The following CTNND2 variants were observed in gnomAD, a reference collection of about 807,000 sequenced individuals.
The protein encoded by CTNND2 is catenin delta 2, also known as catenin delta-2.
A neutral mutation model predicts 144.4 loss-of-function variants in CTNND2; 22 were observed. The observed-to-expected ratio is 0.15, with a 90% CI of 0.11 to 0.22. CTNND2 has a LOEUF of 0.22. Ranked by LOEUF, CTNND2 falls within the 10% of genes least tolerant of loss-of-function variation. CTNND2 has a pLI of 1.00. For missense variants in CTNND2, 1,353 were observed against 1,618.8 expected (o/e 0.84, Z 2.82); for synonymous variants, 751 against 695.6 (o/e 1.08, Z -1.25).
intron 12 of CTNND2, among the ~76,000 whole-genome samples, chr5:11,153,603 T>C (rs185055911): frequency 6.6e-6 from 1 of 152,302 alleles, no homozygotes; most frequent in African/African-American, 2.4e-5. Context: ...CAAGCACTCA[T>C]CCATTTTATG....
intron 1 of CTNND2, among the ~76,000 whole-genome samples, chr5:11,867,419 A>T (rs1006550369): frequency 1.3e-5 from 2 of 152,240 alleles, no homozygotes; most frequent in Non-Finnish European, 2.9e-5. Context: ...ATAATCAGCC[A>T]ATCAGAACTT....
intron 18 of CTNND2, among the ~76,000 whole-genome samples, chr5:10,994,366 GGAGGAAGGGGCCGGGGAAA>G (rs1739080238): frequency 2.5e-5 from 1 of 40,524 alleles, no homozygotes; most frequent in Non-Finnish European, 5.1e-5. Context: ...GGGCGGGGAA[GGAGGAAGGGGCCGGGGAAA>G]GAGGAGGGGG....
At chr5:11,037,099 GC>G (rs1000481230) in intron 16 of CTNND2, among the ~76,000 whole-genome samples, 1 of 152,158 alleles carries the variant, frequency 6.6e-6, no homozygotes, top group Non-Finnish European at 1.5e-5. Context: ...ATTTAAAATA[GC>G]CTTTTCAGTT....
chr5:11,568,739 C>A lies in CTNND2; in HGVS notation c.175-3683G>T, dbSNP rs185992679. 2.6e-5 allele frequency among the ~76,000 whole-genome samples: 4 copies of A among 152,286 alleles called. No homozygotes were observed. The East Asian group carries it at 7.7e-4, about 29-fold the overall frequency. ...AATGGAAAGATGACATTATCCATCT[C>A]TAACACAGTTTGGGGTTTGAGGGAG... On this transcript the variant is annotated intron_variant, in intron 2 of 21. Transcript: ENST00000304623.
intron 11 of CTNND2, among the ~76,000 whole-genome samples, chr5:11,176,569 A>G (rs917544361): frequency 2.6e-5 from 4 of 152,046 alleles, no homozygotes; most frequent in Non-Finnish European, 4.4e-5. Context: ...ACAGTTGAAA[A>G]CAAGATGAAT....
chr5:11,177,289 G>A (rs1760570253), intron 11 of CTNND2, among the ~76,000 whole-genome samples: 1 of 152,112 alleles, frequency 6.6e-6, no homozygotes, highest in Non-Finnish European at 1.5e-5. Context: ...TGGTGCTTTT[G>A]TTTCTAGGTG....
chr5:11,689,284 T>C (rs1482120046), intron 2 of CTNND2, among the ~76,000 whole-genome samples: 2 of 152,212 alleles, frequency 1.3e-5, no homozygotes, highest in Non-Finnish European at 2.9e-5. Flanking sequence ...ATGGTGTCTA[T>C]TTTACAGATT....
intron 9 of CTNND2, among the ~76,000 whole-genome samples, chr5:11,333,317 G>A (rs915269182): frequency 2.5e-4 from 38 of 152,128 alleles, no homozygotes; most frequent in African/African-American, 8.0e-4. Context: ...AGGCTGGAGT[G>A]CAGTGGTGCA....
chr5:11,662,273 G>GTA (rs147318564), intron 2 of CTNND2, among the ~76,000 whole-genome samples: 2,835 of 134,062 alleles, frequency 0.021, 56 homozygotes, highest in Non-Finnish European at 0.035. Flanking sequence ...GTGTGTGTGT[G>GTA]TATATATATA....
chr5:11,315,593 A>C (rs1048325939), intron 9 of CTNND2, among the ~76,000 whole-genome samples: 5 of 152,218 alleles, frequency 3.3e-5, no homozygotes, highest in African/African-American at 1.2e-4. Flanking sequence ...CTGAGGGATC[A>C]ATTTGGTTTT....
intron 3 of CTNND2, among the ~76,000 whole-genome samples, chr5:11,500,608 G>A (rs1469362733): frequency 6.6e-6 from 1 of 152,120 alleles, no homozygotes; most frequent in Non-Finnish European, 1.5e-5. Flanking sequence ...ACTTAGGAAG[G>A]CAAAATCAGT....
intron 5 of CTNND2, among the ~76,000 whole-genome samples, chr5:11,398,976 T>C (rs1581112190): frequency 6.6e-6 from 1 of 152,112 alleles, no homozygotes; most frequent in Admixed American, 6.5e-5. Flanking sequence ...GTGGGGCAAG[T>C]GGAGACTAAC....
intron 18 of CTNND2, among the ~76,000 whole-genome samples, chr5:11,015,073 C>T (rs753159838): frequency 2.0e-5 from 3 of 152,180 alleles, no homozygotes; most frequent in Non-Finnish European, 4.4e-5. Flanking sequence ...CTTTGGAACG[C>T]TTCCTTTGCT....
At chr5:11,682,878 A>T (rs570194723) in intron 2 of CTNND2, among the ~76,000 whole-genome samples, 208 of 152,320 alleles carry the variant, frequency 1.4e-3, no homozygotes, top group African/African-American at 4.8e-3. Context: ...TACCACTGAA[A>T]ATATTACAGA....
At chr5:11,895,926 G>C (rs1043617006) in intron 1 of CTNND2, among the ~76,000 whole-genome samples, 1 of 152,112 alleles carries the variant, frequency 6.6e-6, no homozygotes, top group Non-Finnish European at 1.5e-5. Context: ...GTAATTAGAA[G>C]TTTTATTTTT....
intron 9 of CTNND2, among the ~76,000 whole-genome samples, chr5:11,344,008 A>G (rs1384155298): frequency 6.6e-6 from 1 of 152,242 alleles, no homozygotes; most frequent in Non-Finnish European, 1.5e-5. Context: ...TTCACCTATG[A>G]GGAATCAAAT....
chr5:11,289,501 C>T (rs560792199), intron 9 of CTNND2, among the ~76,000 whole-genome samples: 2 of 152,344 alleles, frequency 1.3e-5, no homozygotes, highest in African/African-American at 4.8e-5. Flanking sequence ...AGAGCAACTC[C>T]TCGCCTTCAA....
chr5:11,642,949 A>C (rs1475495351), intron 2 of CTNND2, among the ~76,000 whole-genome samples: 1 of 152,182 alleles, frequency 6.6e-6, no homozygotes, highest in African/African-American at 2.4e-5. Context: ...CATTTGGGTC[A>C]GTTAGAAGTC....
intron 2 of CTNND2, among the ~76,000 whole-genome samples, chr5:11,623,827 T>C (rs1313819902): frequency 1.7e-5 from 2 of 118,884 alleles, no homozygotes; most frequent in African/African-American, 3.7e-5. Context: ...TATATATATA[T>C]ATATATATAT....
Sources: allele counts gnomAD v4.1 joint callset (sites outside exome capture counted in the v4.1 genomes callset), GRCh38; gene constraint gnomAD v4.1.1; transcripts MANE v1.5; gene names NCBI Gene and HGNC (gene_info 2026-07-23, HGNC 2026-07-21).